Variants in CFAP20DC observed in about 807,000 individuals in gnomAD.
CFAP20DC encodes the protein CFAP20 domain containing, also known as protein CFAP20DC.
In CFAP20DC, 84 loss-of-function variants were observed where a neutral mutation model predicts 101.7. The ratio of observed to expected loss-of-function variants is 0.83; its 90% CI spans 0.69 to 0.99. The LOEUF (loss-of-function observed/expected upper bound fraction) is 0.99. CFAP20DC is among the 50% of genes least tolerant of loss of function. The pLI is 0.00. For synonymous variants in CFAP20DC, 359 were observed against 351.2 expected (o/e 1.02, Z -0.25); for missense variants, 1,007 against 970.3 (o/e 1.04, Z -0.50).
chr3:58,792,866 GAAA>G (rs1332052712), intron 15 of CFAP20DC, among the ~76,000 whole-genome samples: 2 of 151,948 alleles, frequency 1.3e-5, no homozygotes, highest in African/African-American at 4.8e-5. Context: ...AATGCTTGAA[GAAA>G]AAGTACATGT....
intron 15 of CFAP20DC, among the ~76,000 whole-genome samples, chr3:58,766,601 G>A (rs1190201416): frequency 2.0e-5 from 3 of 152,038 alleles, no homozygotes; most frequent in East Asian, 1.9e-4. Context: ...CAGTGTCATC[G>A]GGAAGCCATC....
intron 4 of CFAP20DC, among the ~76,000 whole-genome samples, chr3:58,972,621 C>A (rs963102367): frequency 6.6e-6 from 1 of 152,248 alleles, no homozygotes; most frequent in African/African-American, 2.4e-5. Flanking sequence ...GGAAGCTTAT[C>A]AATGTAAACA....
chr3:58,925,432 T>A (rs2085848076), intron 5 of CFAP20DC, among the ~76,000 whole-genome samples: 2 of 152,186 alleles, frequency 1.3e-5, no homozygotes, highest in Admixed American at 6.5e-5. Context: ...TATAATCTCC[T>A]CAAGGAGAAA....
At chr3:58,895,762 A>G (rs2082618757) in intron 6 of CFAP20DC, among the ~76,000 whole-genome samples, 1 of 152,192 alleles carries the variant, frequency 6.6e-6, no homozygotes, top group African/African-American at 2.4e-5. Context: ...TTTACAAAAG[A>G]AAGAGGCTTA....
chr3:58,995,187 A>G (rs2093074598), intron 4 of CFAP20DC, among the ~76,000 whole-genome samples: 1 of 152,148 alleles, frequency 6.6e-6, no homozygotes, highest in Non-Finnish European at 1.5e-5. Context: ...TAGGAGATAC[A>G]GTTGCACAAA....
At chr3:58,774,891 T>C (rs1224702756) in intron 15 of CFAP20DC, among the ~76,000 whole-genome samples, 1 of 152,224 alleles carries the variant, frequency 6.6e-6, no homozygotes, top group Non-Finnish European at 1.5e-5. Flanking sequence ...GTTTTATCTG[T>C]TAAAACAGCA....
intron 15 of CFAP20DC, among the ~76,000 whole-genome samples, chr3:58,764,279 C>T (rs2070032428): frequency 6.6e-6 from 1 of 152,302 alleles, no homozygotes. Flanking sequence ...GTAGTTTGAT[C>T]TCAGACTGCT....
chr3:58,761,430 T>C (rs1345612393), intron 15 of CFAP20DC, among the ~76,000 whole-genome samples: 2 of 152,228 alleles, frequency 1.3e-5, no homozygotes, highest in African/African-American at 4.8e-5. Context: ...CTCTGTTTTC[T>C]TCTTTATTAG....
chr3:59,005,583 A>G (rs1401102155), intron 4 of CFAP20DC, among the ~76,000 whole-genome samples: 1 of 152,182 alleles, frequency 6.6e-6, no homozygotes, highest in Non-Finnish European at 1.5e-5. Flanking sequence ...GCTTATATTC[A>G]TTTTATATCA....
intron 12 of CFAP20DC, among the ~76,000 whole-genome samples, chr3:58,855,426 T>TA (rs1387685400): frequency 2.6e-5 from 4 of 152,268 alleles, no homozygotes; most frequent in Admixed American, 2.6e-4. Context: ...GAAGTCAGTG[T>TA]GGCGATTCCT....
chr3:58,946,752 G>T (rs947643611), intron 4 of CFAP20DC, among the ~76,000 whole-genome samples: 1 of 152,166 alleles, frequency 6.6e-6, no homozygotes, highest in Non-Finnish European at 1.5e-5. Flanking sequence ...AGAAAGCCAA[G>T]ATTGGTTGCT....
intron 13 of CFAP20DC, among the ~76,000 whole-genome samples, chr3:58,837,383 C>T (rs2076809383): frequency 1.3e-5 from 2 of 152,118 alleles, no homozygotes; most frequent in Admixed American, 1.3e-4. Context: ...GAACAAAATG[C>T]TAAGTGAGAG....
intron 14 of CFAP20DC, among the ~76,000 whole-genome samples, chr3:58,821,690 G>A (rs1363803154): frequency 1.3e-5 from 2 of 151,746 alleles, no homozygotes; most frequent in East Asian, 1.9e-4. Context: ...CTTTTACACT[G>A]TTGCTGGGAC....
chr3:58,848,968 G>A (rs377364731), intron 13 of CFAP20DC, 64 bp downstream of exon 13: 1 of 1,464,968 alleles, frequency 6.8e-7, no homozygotes, highest in Non-Finnish European at 9.0e-7. Context: ...AAACATGGGT[G>A]GAACAGAACG....
chr3:58,830,962 T>C (rs2076355089), intron 14 of CFAP20DC, among the ~76,000 whole-genome samples: 1 of 152,198 alleles, frequency 6.6e-6, no homozygotes, highest in Non-Finnish European at 1.5e-5. Context: ...TGTAAGGTCC[T>C]TGAGGACAGT....
intron 5 of CFAP20DC, among the ~76,000 whole-genome samples, chr3:58,928,249 G>A (rs2086201362): frequency 6.6e-6 from 1 of 152,176 alleles, no homozygotes; most frequent in Admixed American, 6.5e-5. Context: ...AGTGCAAGGT[G>A]GAGAGGTATT....
chr3:58,932,253 C>T (rs900089394), intron 5 of CFAP20DC, among the ~76,000 whole-genome samples: 5 of 152,112 alleles, frequency 3.3e-5, no homozygotes, highest in Non-Finnish European at 5.9e-5. Flanking sequence ...AACAAAGCCT[C>T]CAAGAAATAT....
At chr3:58,889,527 TTTTTTTC>T (rs1348871812) in intron 6 of CFAP20DC, among the ~76,000 whole-genome samples, 5 of 105,902 alleles carry the variant, frequency 4.7e-5, no homozygotes, top group African/African-American at 3.0e-4. Flanking sequence ...GCCAATCTTT[TTTTTTTC>T]TTTTTTTCTT....
chr3:58,960,901 TTTTCA>T (rs1453857065), intron 4 of CFAP20DC, among the ~76,000 whole-genome samples: 1 of 152,180 alleles, frequency 6.6e-6, no homozygotes, highest in Non-Finnish European at 1.5e-5. Flanking sequence ...AGCTATATGT[TTTTCA>T]TAGTTTTCCT....
Sources: gnomAD v4.1 joint callset for allele counts (sites outside exome capture counted in the v4.1 genomes callset) on GRCh38, gnomAD v4.1.1 for gene constraint, MANE v1.5 for transcripts, NCBI Gene and HGNC (gene_info 2026-07-23, HGNC 2026-07-21) for gene names.